ERAP1: variants seen among roughly 807,000 people sequenced by gnomAD.
ERAP1 encodes endoplasmic reticulum aminopeptidase 1, also known as adipocyte-derived leucine aminopeptidase.
Under a neutral mutation model 103.7 loss-of-function variants are expected in ERAP1, and 86 were observed. The observed-to-expected ratio is 0.83, with a 90% confidence interval of 0.70 to 0.99. The LOEUF is 0.99. Ranked by LOEUF, ERAP1 falls within the 50% of genes least tolerant of loss-of-function variation. The pLI, the probability that ERAP1 is intolerant of heterozygous loss-of-function variation, is 0.00. For missense variants in ERAP1, 1,009 were observed against 1,128.4 expected (o/e 0.89, Z 1.52); for synonymous variants, 398 against 402.4 (o/e 0.99, Z 0.13).
the ERAP1 span, among the ~76,000 whole-genome samples, chr5:96,925,969 G>T: frequency 3.6e-5 from 5 of 139,394 alleles, no homozygotes; most frequent in East Asian, 1.1e-3. Context: ...GGGCTGCAGT[G>T]GCGTGATCTC....
the ERAP1 span, among the ~76,000 whole-genome samples, chr5:96,879,303 C>T: frequency 6.6e-6 from 1 of 152,168 alleles, no homozygotes; most frequent in African/African-American, 2.4e-5. Flanking sequence ...TACACACCTG[C>T]CTTCTGCTCG....
chr5:96,793,727 T>C (rs1169608911), intron 6 of ERAP1, 76 bp downstream of exon 6: 3 of 1,352,370 alleles, frequency 2.2e-6, no homozygotes, highest in Admixed American at 5.1e-5. Context: ...AAAAATTATA[T>C]AAATAGCCTT....
At chr5:96,917,386 GCT>G in the ERAP1 span, 18 of 1,442,808 alleles carry the variant, frequency 1.2e-5, no homozygotes, top group East Asian at 2.4e-5. Context: ...CTCCCGAAGT[GCT>G]GGGATTACAG....
the ERAP1 span, among the ~76,000 whole-genome samples, chr5:96,901,846 G>A: frequency 6.6e-6 from 1 of 152,132 alleles, no homozygotes; most frequent in African/African-American, 2.4e-5. Context: ...CATATAACCC[G>A]GACTTCTTTG....
At chr5:96,795,886 A>G (rs1444123484) in intron 4 of ERAP1, among the ~76,000 whole-genome samples, 1 of 152,244 alleles carries the variant, frequency 6.6e-6, no homozygotes, top group Admixed American at 6.5e-5. Context: ...TCAGATACAC[A>G]AAGAATTCAG....
At chr5:96,809,001 A>C (rs1470049060), upstream of ERAP1, among the ~76,000 whole-genome samples, 1 of 152,200 alleles carries the variant, frequency 6.6e-6, no homozygotes, top group Non-Finnish European at 1.5e-5. Context: ...GTCCATTTTT[A>C]GGGTTATTTC....
the ERAP1 span, among the ~76,000 whole-genome samples, chr5:96,870,555 T>C: frequency 6.6e-6 from 1 of 151,950 alleles, no homozygotes; most frequent in South Asian, 2.1e-4. Flanking sequence ...ACCTATAACA[T>C]CCCATAATGA....
chr5:96,876,975 T>A, the ERAP1 span, among the ~76,000 whole-genome samples: 4 of 152,056 alleles, frequency 2.6e-5, no homozygotes, highest in African/African-American at 9.7e-5. Context: ...TTTATGTATT[T>A]ATTTATTTAT....
chr5:96,762,132 AAAATTATATGTTATTATGAGTCTAT>A, exon 20 of ERAP1: 1 of 459,456 alleles, frequency 2.2e-6, no homozygotes, highest in Non-Finnish European at 3.9e-6. Context: ...AATTTCTTTT[AAAATTATATGTTATTATGAGTCTAT>A]TTGGTCAAGA....
chr5:96,803,105 T>C (rs1169281496), intron 2 of ERAP1, among the ~76,000 whole-genome samples: 2 of 152,132 alleles, frequency 1.3e-5, no homozygotes, highest in Non-Finnish European at 2.9e-5. Context: ...CCTAGGAAAC[T>C]AATACACAGT....
the ERAP1 span, among the ~76,000 whole-genome samples, chr5:96,832,134 C>T: frequency 6.6e-6 from 1 of 152,136 alleles, no homozygotes; most frequent in African/African-American, 2.4e-5. Flanking sequence ...AGAGTCCTAC[C>T]TAACATACCA....
chr5:96,863,123 C>G, the ERAP1 span, among the ~76,000 whole-genome samples: 1 of 152,024 alleles, frequency 6.6e-6, no homozygotes, highest in Admixed American at 6.6e-5. Context: ...TTCTCTAAAT[C>G]CACCACTGTG....
the ERAP1 span, among the ~76,000 whole-genome samples, chr5:96,829,080 T>C: frequency 6.6e-6 from 1 of 152,200 alleles, no homozygotes; most frequent in Non-Finnish European, 1.5e-5. Context: ...TCTCCTGACC[T>C]TGTGATCCGC....
the ERAP1 span, chr5:96,909,921 CT>C: frequency 1.5e-6 from 1 of 653,878 alleles, no homozygotes; most frequent in Non-Finnish European, 2.6e-6. Context: ...ATTGTAAGTG[CT>C]ATGTATGGAG....
chr5:96,799,831 G>A (rs1777777935), intron 3 of ERAP1, among the ~76,000 whole-genome samples: 1 of 152,208 alleles, frequency 6.6e-6, no homozygotes, highest in Non-Finnish European at 1.5e-5. Flanking sequence ...TGGCTGGTAG[G>A]AATTTGCAGA....
chr5:96,765,652 T>C (rs1276672066), intron 19 of ERAP1, among the ~76,000 whole-genome samples: 1 of 152,154 alleles, frequency 6.6e-6, no homozygotes, highest in Non-Finnish European at 1.5e-5. Context: ...ATAGGCAAAG[T>C]TGTAAATGTG....
the ERAP1 span, chr5:96,919,134 AG>A: frequency 1.3e-5 from 2 of 152,236 alleles, no homozygotes; most frequent in Non-Finnish European, 2.9e-5. Context: ...TTGGGTCAAG[AG>A]GGGAAAGTGT....
rs141945381 is a variant in ERAP1, at chr5:96,767,606, T to C, written c.2819-4378A>G. 9.1e-3 allele frequency: 6,461 copies of C among 706,524 alleles called. 42 individuals carry two copies. Among genetic ancestry groups the C allele is most frequent in the Non-Finnish European group, 0.012 (5,097 of 409,054 alleles). 43.8% of individuals were successfully genotyped at this position (706,524 alleles called of 1,614,324 possible). ...CTGTGCCTGGTACTTTGTCAAAGCA[T>C]GCATATAAATGTGTGTGACTATTGT... On this transcript the variant is annotated intron_variant, in intron 19 of 19. Transcript: ENST00000296754.
chr5:96,845,160 T>TA, the ERAP1 span, among the ~76,000 whole-genome samples: 1 of 152,194 alleles, frequency 6.6e-6, no homozygotes, highest in African/African-American at 2.4e-5. Context: ...AAAATTGATT[T>TA]AAAAAATAAG....
Sources: allele counts gnomAD v4.1 joint callset (sites outside exome capture counted in the v4.1 genomes callset), GRCh38; gene constraint gnomAD v4.1.1; transcripts MANE v1.5; gene names NCBI Gene and HGNC (gene_info 2026-07-23, HGNC 2026-07-21).